The following SNX29 variants were observed in gnomAD, a reference collection of about 807,000 sequenced individuals.
SNX29 encodes sorting nexin 29.
SNX29 carries 78 observed loss-of-function variants against 102.1 expected under a neutral mutation model. That is an observed-to-expected ratio of 0.76 (90% confidence interval 0.64 to 0.92). The LOEUF is 0.92. SNX29 is among the 40% of genes least tolerant of loss of function. The probability of loss-of-function intolerance (pLI) is 0.00; values close to 1 mark genes in which losing one functional copy is unlikely to be tolerated. For synonymous variants in SNX29, 580 were observed against 414.5 expected (o/e 1.40, Z -4.85); for missense variants, 1,280 against 1,061.7 (o/e 1.21, Z -2.86).
chr16:12,475,826 T>C (rs2087566190), intron 18 of SNX29, among the ~76,000 whole-genome samples: 1 of 152,200 alleles, frequency 6.6e-6, no homozygotes, highest in African/African-American at 2.4e-5. Flanking sequence ...CCAGCCTAAG[T>C]GAGGGACTGT....
intron 5 of SNX29, among the ~76,000 whole-genome samples, chr16:12,045,764 C>G (rs1205794738): frequency 6.6e-6 from 1 of 151,914 alleles, no homozygotes; most frequent in Non-Finnish European, 1.5e-5. Context: ...GCTGGGATTA[C>G]AAGCGCCTGC....
At chr16:12,111,250 T>C (rs1040585555) in intron 11 of SNX29, among the ~76,000 whole-genome samples, 2 of 152,178 alleles carry the variant, frequency 1.3e-5, no homozygotes, top group Non-Finnish European at 2.9e-5. Context: ...CTTCCACCCC[T>C]GCACCAGTCA....
intron 20 of SNX29, among the ~76,000 whole-genome samples, chr16:12,561,491 A>G (rs1415624232): frequency 1.3e-5 from 2 of 152,174 alleles, no homozygotes; most frequent in Non-Finnish European, 2.9e-5. Context: ...CCGGCTCGCC[A>G]GACCCAGATC....
At chr16:12,087,691 A>G in intron 11 of SNX29, 1 of 366,350 alleles carries the variant, frequency 2.7e-6, no homozygotes, top group Middle Eastern at 3.8e-4. Context: ...CTTTACAGCA[A>G]CCCAGAAGGT....
chr16:12,060,981 C>G (rs1435719871), intron 8 of SNX29: 2 of 412,772 alleles, frequency 4.8e-6, no homozygotes, highest in African/African-American at 2.0e-5. Flanking sequence ...CGGAGCAACG[C>G]TAGCCCTAGG....
chr16:12,563,274 C>A (rs1208869078), intron 20 of SNX29, among the ~76,000 whole-genome samples: 1 of 152,080 alleles, frequency 6.6e-6, no homozygotes, highest in South Asian at 2.1e-4. Context: ...AGAGGAACGT[C>A]GGGTTCTGGA....
At chr16:12,344,941 A>G (rs1465544947) in intron 15 of SNX29, among the ~76,000 whole-genome samples, 1 of 152,242 alleles carries the variant, frequency 6.6e-6, no homozygotes, top group Admixed American at 6.5e-5. Context: ...GGCCTAGCCG[A>G]GCACCATGTT....
intron 19 of SNX29, among the ~76,000 whole-genome samples, chr16:12,491,628 A>G (rs1267875879): frequency 1.3e-5 from 2 of 152,100 alleles, no homozygotes; most frequent in African/African-American, 4.8e-5. Flanking sequence ...TGCTGCACCC[A>G]TTAACTCCTC....
At chr16:12,220,932 G>A (rs1003517048) in intron 14 of SNX29, among the ~76,000 whole-genome samples, 2 of 152,102 alleles carry the variant, frequency 1.3e-5, no homozygotes, top group African/African-American at 4.8e-5. Context: ...GGAGAAGGGG[G>A]GTGGTAGCGC....
At chr16:12,568,240 A>G (rs141307432) in intron 20 of SNX29, among the ~76,000 whole-genome samples, 327 of 151,608 alleles carry the variant, frequency 2.2e-3, no homozygotes, top group African/African-American at 7.6e-3. Context: ...TGTAGACCGG[A>G]ACGGTGGTAC....
intron 15 of SNX29, among the ~76,000 whole-genome samples, chr16:12,279,224 G>T (rs2079352869): frequency 1.3e-5 from 2 of 152,340 alleles, no homozygotes; most frequent in South Asian, 4.1e-4. Context: ...TCATTGCTGT[G>T]TAGACATACC....
In SNX29 at chr16:12,550,607, G is replaced by A. The variant is rs577535541; in HGVS notation, c.2319-17899G>A. 6.6e-5 allele frequency among the ~76,000 whole-genome samples: 10 copies of A among 151,752 alleles called. No individual in the cohort carries two copies. In the South Asian group the frequency reaches 1.9e-3, roughly 29 times the overall value. On this transcript the variant is annotated intron_variant, in intron 20 of 20. Coordinates refer to ENST00000566228, the MANE Select transcript of SNX29 (RefSeq NM_032167.5). ...GGTGCATACATACGTGCTTCTATGT[G>A]TAATGTATACCTGTAGAAAGACACA... is the stretch of plus-strand genomic sequence containing the variant.
intron 18 of SNX29, among the ~76,000 whole-genome samples, chr16:12,413,213 A>G (rs2084478292): frequency 6.6e-6 from 1 of 152,150 alleles, no homozygotes; most frequent in African/African-American, 2.4e-5. Context: ...TGAAATAATC[A>G]TTACAAGTGT....
At chr16:12,543,031 G>C (rs2077413421) in intron 20 of SNX29, among the ~76,000 whole-genome samples, 1 of 152,158 alleles carries the variant, frequency 6.6e-6, no homozygotes, top group Non-Finnish European at 1.5e-5. Flanking sequence ...GCTGGATCCA[G>C]AGGCTCAAAA....
At chr16:12,373,980 G>A (rs1486743696) in intron 16 of SNX29, 1 of 152,364 alleles carries the variant, frequency 6.6e-6, no homozygotes, top group Non-Finnish European at 1.5e-5. Context: ...CAGTCACAGA[G>A]AGAACTGGTG....
In SNX29 at chr16:12,570,299, G is replaced by C. The variant is rs1342070573; in HGVS notation, c.*1670G>C. On this transcript the variant is annotated 3_prime_UTR_variant, in exon 21 of 21. Coordinates refer to ENST00000566228, the MANE Select transcript of SNX29 (RefSeq NM_032167.5). ...CCTGCAGTCAGTTTGCGAGTGTGGA[G>C]GACCCGAGACATCCTGTAAAGGCAA... The C allele has an allele frequency of 1.9e-6, 2 of 1,047,246 alleles. No individual in the cohort carries two copies. The highest frequency in any genetic ancestry group is 1.2e-6 in the Non-Finnish European group (1 of 863,092). 64.9% of individuals were successfully genotyped at this position (1,047,246 alleles called of 1,614,324 possible).
intron 15 of SNX29, among the ~76,000 whole-genome samples, chr16:12,348,327 C>G (rs1403427079): frequency 6.6e-6 from 1 of 151,980 alleles, no homozygotes; most frequent in African/African-American, 2.4e-5. Flanking sequence ...AAGGCTTACC[C>G]TAGCTGCTGG....
rs753153405 is a variant in SNX29, at chr16:12,570,663, C to CAG, written c.*2035_*2036dup. 4.3e-6 allele frequency: 1 copy of CAG among 231,980 alleles called. No individual in the cohort carries two copies. The highest frequency in any genetic ancestry group is 8.5e-6 in the Non-Finnish European group (1 of 117,366). The allele number at this position is 231,980 out of a possible 1,614,324, so 14.4% of individuals were successfully genotyped here. ...CCCATCTGTGACATTCCCTTGGGCC[C>CAG]AGGCTTATGACCTGCACCTTTTCTG... On this transcript the variant is annotated 3_prime_UTR_variant, in exon 21 of 21. Transcript: ENST00000566228.
At chr16:12,295,057 T>G (rs1357924792) in intron 15 of SNX29, among the ~76,000 whole-genome samples, 1 of 152,166 alleles carries the variant, frequency 6.6e-6, no homozygotes, top group East Asian at 1.9e-4. Context: ...CTCGTGAGAC[T>G]TATTCTCTAC....
Sources: allele counts gnomAD v4.1 joint callset (sites outside exome capture counted in the v4.1 genomes callset), GRCh38; gene constraint gnomAD v4.1.1; transcripts MANE v1.5; gene names NCBI Gene and HGNC (gene_info 2026-07-23, HGNC 2026-07-21).